Variants in RNASE13 observed in about 807,000 individuals in gnomAD.
The protein encoded by RNASE13 is probable inactive ribonuclease-like protein 13.
For missense variants in RNASE13, 188 were observed against 192.8 expected (o/e 0.98, Z 0.15); for synonymous variants, 67 against 71.6 (o/e 0.94, Z 0.32).
At position 21,033,473 on chromosome 14, in the gene RNASE13, G is replaced by A; in HGVS notation, c.*345C>T. 2.9e-6 allele frequency: 1 copy of A among 340,230 alleles called. No homozygotes were observed. The highest frequency in any genetic ancestry group is 5.5e-6 in the Non-Finnish European group (1 of 180,648). 21.1% of individuals were successfully genotyped at this position (340,230 alleles called of 1,614,324 possible). On this transcript the variant is annotated 3_prime_UTR_variant, in exon 2 of 2. Transcript: ENST00000382951. ...GGTGCCTGTTGCCATGGTGTGAGCT[G>A]AGGCCCTGGGCCTCCATCCAGGACT...
Position 21,033,725 on chromosome 14 carries a change from T to TA in RNASE13, c.*92dup, listed in dbSNP as rs760686869. The TA allele has an allele frequency of 9.7e-6, 9 of 925,390 alleles. No individual in the cohort carries two copies. The Admixed American group carries it at 1.5e-4, about 16-fold the overall frequency. 57.3% of individuals were successfully genotyped at this position (925,390 alleles called of 1,614,324 possible). ...TTGGGAGGGGACCCTGCCTGCCTCG[T>TA]AAGTCAGGAAGGAAGTCTTGTTACA... On this transcript the variant is annotated 3_prime_UTR_variant, in exon 2 of 2. Transcript: ENST00000382951.
intron 1 of RNASE13, 59 bp from the exon 2 acceptor site, chr14:21,034,355 C>A: frequency 3.5e-6 from 4 of 1,142,268 alleles, no homozygotes; most frequent in Non-Finnish European, 5.1e-6. Flanking sequence ...TCTGCCACAT[C>A]CCAGAGCCTC....
chr14:21,033,994 A>G lies in RNASE13; in HGVS notation c.295T>C (p.Tyr99His), dbSNP rs371774765. The G allele has an allele frequency of 1.9e-6, 3 of 1,614,002 alleles. No homozygotes were observed. In the African/African-American group the frequency reaches 4.0e-5, roughly 22 times the overall value. The change falls in exon 2 of 2, where the codon TAC (tyrosine) becomes CAC (histidine). Residue 99 changes from tyrosine (Y) to histidine (H), a missense_variant. Physicochemically the swap from Tyr to His is moderately conservative, Grantham distance 83. Transcript: ENST00000382951. Reference protein sequence around the residue: ...SDSFCENYNEYCTLTQDSLPI... With the variant: ...SDSFCENYNEHCTLTQDSLPI... ...AGGGAATCCTGGGTGAGTGTGCAGTATTCATTGTAATTCTCACAGAAGCTG... is the reference window on the plus strand; with the variant it reads ...AGGGAATCCTGGGTGAGTGTGCAGTGTTCATTGTAATTCTCACAGAAGCTG...
rs780234559 is a variant in RNASE13, at chr14:21,033,032, G to C, written c.*786C>G. 1 of 453,528 alleles carries C rather than the reference G, an allele frequency of 2.2e-6. No homozygotes were observed. The highest frequency in any genetic ancestry group is 4.4e-6 in the Non-Finnish European group (1 of 226,172). The allele number at this position is 453,528 out of a possible 1,614,324, so 28.1% of individuals were successfully genotyped here. A position where few individuals can be genotyped will look rare whatever the true frequency, so the allele number is the denominator to read the frequency against. Reference sequence around the variant, plus strand: ...GCAGACTCTGGAGTCTGGGGGATTTGGGAGGAGCTTCTGGAAGAGAAGGGA... The same window carrying C: ...GCAGACTCTGGAGTCTGGGGGATTTCGGAGGAGCTTCTGGAAGAGAAGGGA... On this transcript the variant is annotated 3_prime_UTR_variant, in exon 2 of 2. Transcript: ENST00000382951.
At position 21,033,844 on chromosome 14, in the gene RNASE13, T is replaced by C; in HGVS notation, c.445A>G (p.Ile149Val). The C allele has an allele frequency of 6.2e-7, 1 of 1,613,170 alleles. No individual in the cohort carries two copies. Among genetic ancestry groups the C allele is most frequent in the African/African-American group, 1.3e-5 (1 of 75,004 alleles). ...SRKYEADPIG[I>V]AGLYSGI ...TAAATTCCCGAATAGAGACCAGCGA[T>C]ACCTATTGGATCAGCTTCATACTTG... is the stretch of plus-strand genomic sequence containing the variant. Residue 149 changes from isoleucine (I) to valine (V), a missense_variant, in exon 2 of 2, where the codon ATC (isoleucine) becomes GTC (valine). Physicochemically the swap from Ile to Val is conservative, Grantham distance 29 (BLOSUM62 3). Transcript: ENST00000382951.
Position 21,034,280 on chromosome 14 carries a change from TG to T in RNASE13, c.8del (p.Pro3GlnfsTer3). The T allele has an allele frequency of 6.2e-7, 1 of 1,609,602 alleles. No homozygotes were observed. Among genetic ancestry groups the T allele is most frequent in the East Asian group, 2.2e-5 (1 of 44,854 alleles). On this transcript the variant is annotated frameshift_variant, in exon 2 of 2. Coordinates refer to ENST00000382951, the MANE Select transcript of RNASE13 (RefSeq NM_001012264.4). LOFTEE classifies it low-confidence loss of function (END_TRUNC). MAPAVTRLLFLQL... is the reference protein window; with the variant it reads MAXAVTRLLFLQL... ...GGAGGAAAAGGAGCCGGGTCACAGC[TG>T]GTGCCATTCCTCCTGCTGGTAGAGT...
Position 21,033,074 on chromosome 14 carries a change from G to C in RNASE13, c.*744C>G, listed in dbSNP as rs947627658. ...GAGAAGGGAAGCAGGAACCTCTGGG[G>C]AATGGGTGAGAGAAGATACCTTGAA... On this transcript the variant is annotated 3_prime_UTR_variant, in exon 2 of 2. Transcript: ENST00000382951. 2.2e-6 allele frequency: 1 copy of C among 444,548 alleles called. No individual in the cohort carries two copies. Among genetic ancestry groups the C allele is most frequent in the African/African-American group, 2.0e-5 (1 of 49,170 alleles). The allele number at this position is 444,548 out of a possible 1,614,324, so 27.5% of individuals were successfully genotyped here. A position where few individuals can be genotyped will look rare whatever the true frequency, so the allele number is the denominator to read the frequency against.
rs904744913 is a variant in RNASE13 at position 21,033,020 on chromosome 14, T to G, written c.*798A>C. The G allele has an allele frequency of 4.6e-5, 21 of 453,864 alleles. No individual in the cohort carries two copies. The highest frequency in any genetic ancestry group is 3.4e-4 in the African/African-American group (17 of 49,830). The allele number at this position is 453,864 out of a possible 1,614,324, so 28.1% of individuals were successfully genotyped here. ...GCCTGGTCAGGGGCAGACTCTGGAG[T>G]CTGGGGGATTTGGGAGGAGCTTCTG... On this transcript the variant is annotated 3_prime_UTR_variant, in exon 2 of 2. Transcript: ENST00000382951.
In RNASE13 at chr14:21,033,892, T is replaced by C; in HGVS notation, c.397A>G (p.Lys133Glu). 2 of 1,614,024 alleles carry C rather than the reference T, an allele frequency of 1.2e-6. No individual in the cohort carries two copies. Among genetic ancestry groups the C allele is most frequent in the Non-Finnish European group, 1.7e-6 (2 of 1,179,974 alleles). The change falls in exon 2 of 2, where the codon AAG (lysine) becomes GAG (glutamate). Residue 133 changes from lysine to glutamate, a missense_variant. Transcript: ENST00000382951. ...CYYNSTLTNQKLYLLCSRKYE... is the reference protein window; with the variant it reads ...CYYNSTLTNQELYLLCSRKYE... ...TTGCGGGAGCAGAGTAGGTAGAGCT[T>C]CTGGTTGGTTAGGGTGCTATTGTAG...
chr14:21,033,550 T>C lies in RNASE13; in HGVS notation c.*268A>G, dbSNP rs1884392742. On this transcript the variant is annotated 3_prime_UTR_variant, in exon 2 of 2. Transcript: ENST00000382951. ...TCACTGCCAACTGGACACAGTCAAC[T>C]TCTTGGGTGGGTTTTACTGTCTCTG... 13 of 503,622 alleles carry C rather than the reference T, an allele frequency of 2.6e-5. No individual in the cohort carries two copies. The highest frequency in any genetic ancestry group is 3.9e-5 in the African/African-American group (2 of 51,840). The allele number at this position is 503,622 out of a possible 1,614,324, so 31.2% of individuals were successfully genotyped here.
At position 21,033,667 on chromosome 14, in the gene RNASE13, A is replaced by C; in HGVS notation, c.*151T>G. ...ATAGCACCACTTTGCATGGTGATCA[A>C]AGCCCTGGACATTTTCGCACCCACC... is the stretch of plus-strand genomic sequence containing the variant. On this transcript the variant is annotated 3_prime_UTR_variant, in exon 2 of 2. Coordinates refer to ENST00000382951, the MANE Select transcript of RNASE13 (RefSeq NM_001012264.4). 1 of 651,554 alleles carries C rather than the reference A, an allele frequency of 1.5e-6. No homozygotes were observed. The highest frequency in any genetic ancestry group is 2.7e-5 in the East Asian group (1 of 37,452). The allele number at this position is 651,554 out of a possible 1,614,324, so 40.4% of individuals were successfully genotyped here. A position where few individuals can be genotyped will look rare whatever the true frequency, so the allele number is the denominator to read the frequency against.
Position 21,033,711 on chromosome 14 carries a change from C to T in RNASE13, c.*107G>A, listed in dbSNP as rs765264357. The T allele has an allele frequency of 3.6e-6, 3 of 825,976 alleles. No individual in the cohort carries two copies. The highest frequency in any genetic ancestry group is 6.3e-6 in the Non-Finnish European group (3 of 474,994). The allele number at this position is 825,976 out of a possible 1,614,324, so 51.2% of individuals were successfully genotyped here. On this transcript the variant is annotated 3_prime_UTR_variant, in exon 2 of 2. Transcript: ENST00000382951. ...ACCCACCTGGTCTCTTGGGAGGGGACCCTGCCTGCCTCGTAAGTCAGGAAG... is the reference window on the plus strand; with the variant it reads ...ACCCACCTGGTCTCTTGGGAGGGGATCCTGCCTGCCTCGTAAGTCAGGAAG...
In RNASE13 at chr14:21,033,355, C is replaced by T. The variant is rs76835023; in HGVS notation, c.*463G>A. 0.029 allele frequency: 8,210 copies of T among 280,274 alleles called. 245 individuals carry two copies. The highest frequency in any genetic ancestry group is 0.12 in the East Asian group (1,218 of 10,014). The allele number at this position is 280,274 out of a possible 1,614,324, so 17.4% of individuals were successfully genotyped here. On this transcript the variant is annotated 3_prime_UTR_variant, in exon 2 of 2. Coordinates refer to ENST00000382951, the MANE Select transcript of RNASE13 (RefSeq NM_001012264.4). ...AGGTTCCTATAGCTAGCCATATCCC[C>T]TGAGTAGGTGGGTGAGTGGAGGGAA...
In RNASE13 at chr14:21,033,913, T is replaced by C. The variant is rs749996635; in HGVS notation, c.376A>G (p.Asn126Asp). ...HQQPPTSCYY[N>D]STLTNQKLYL... Reference sequence around the variant, plus strand: ...AGCTTCTGGTTGGTTAGGGTGCTATTGTAGTAGCAGCTAGTGGGTGGCTGT... The same window carrying C: ...AGCTTCTGGTTGGTTAGGGTGCTATCGTAGTAGCAGCTAGTGGGTGGCTGT... The change falls in exon 2 of 2, where the codon AAT becomes GAT. Residue 126 changes from asparagine (N) to aspartate (D), a missense_variant. By Grantham distance (23) the Asn-to-Asp change is conservative. Coordinates refer to ENST00000382951, the MANE Select transcript of RNASE13 (RefSeq NM_001012264.4). 1.9e-6 allele frequency: 3 copies of C among 1,613,948 alleles called. No individual in the cohort carries two copies. The highest frequency in any genetic ancestry group is 2.2e-5 in the East Asian group (1 of 44,886).
rs77537532 is a variant in RNASE13 at position 21,033,416 on chromosome 14, C to G, written c.*402G>C. 8,283 of 279,994 alleles carry G rather than the reference C, an allele frequency of 0.03. 253 individuals carry two copies. Among genetic ancestry groups the G allele is most frequent in the East Asian group, 0.12 (1,285 of 10,514 alleles). The allele number at this position is 279,994 out of a possible 1,614,324, so 17.3% of individuals were successfully genotyped here. On this transcript the variant is annotated 3_prime_UTR_variant, in exon 2 of 2. Transcript: ENST00000382951. Reference sequence around the variant, plus strand: ...ACTGGGGGAGGCTGACATGAGAAGGCTGGTGGGGATGGGGAGGTGAGACTC... The same window carrying G: ...ACTGGGGGAGGCTGACATGAGAAGGGTGGTGGGGATGGGGAGGTGAGACTC...
intron 1 of RNASE13, 104 bp from the exon 2 acceptor site, chr14:21,034,400 T>A (rs570552859): frequency 1.3e-6 from 1 of 773,108 alleles, no homozygotes; most frequent in East Asian, 2.7e-5. Context: ...TTAGAGATCA[T>A]CTCACCCATA....
chr14:21,033,433 G>C lies in RNASE13; in HGVS notation c.*385C>G. Reference sequence around the variant, plus strand: ...TGAGAAGGCTGGTGGGGATGGGGAGGTGAGACTCGGAGCTGGTGCCTGTTG... The same window carrying C: ...TGAGAAGGCTGGTGGGGATGGGGAGCTGAGACTCGGAGCTGGTGCCTGTTG... On this transcript the variant is annotated 3_prime_UTR_variant, in exon 2 of 2. Transcript: ENST00000382951. 1 of 296,738 alleles carries C rather than the reference G, an allele frequency of 3.4e-6. No homozygotes were observed. Among genetic ancestry groups the C allele is most frequent in the East Asian group, 8.7e-5 (1 of 11,440 alleles). 18.4% of individuals were successfully genotyped at this position (296,738 alleles called of 1,614,324 possible). A position where few individuals can be genotyped will look rare whatever the true frequency, so the allele number is the denominator to read the frequency against.
In RNASE13 at chr14:21,033,948, A is replaced by T. The variant is rs770042282; in HGVS notation, c.341T>A (p.Leu114Gln). 1.2e-6 allele frequency: 2 copies of T among 1,613,946 alleles called. No homozygotes were observed. Among genetic ancestry groups the T allele is most frequent in the Non-Finnish European group, 1.7e-6 (2 of 1,179,918 alleles). ...GCTAGTGGGTGGCTGTTGGTGGCTCAGGGAGCAGACCGTGATGGGGAGGGA... is the reference window on the plus strand; with the variant it reads ...GCTAGTGGGTGGCTGTTGGTGGCTCTGGGAGCAGACCGTGATGGGGAGGGA... ...QDSLPITVCS[L>Q]SHQQPPTSCY... Residue 114 changes from leucine to glutamine, a missense_variant, in exon 2 of 2, where the codon CTG becomes CAG. Coordinates refer to ENST00000382951, the MANE Select transcript of RNASE13 (RefSeq NM_001012264.4).
chr14:21,034,338 G>A, intron 1 of RNASE13, 42 bp from the exon 2 acceptor site: 2 of 1,385,870 alleles, frequency 1.4e-6, no homozygotes, highest in Non-Finnish European at 2.0e-6. Flanking sequence ...TGGGCCTGAA[G>A]TGGCTGTCTG....
Sources: allele counts gnomAD v4.1 joint callset, GRCh38; gene constraint gnomAD v4.1.1; transcripts MANE v1.5; gene names NCBI Gene and HGNC (gene_info 2026-07-23, HGNC 2026-07-21).